The following HECW1 variants were observed in gnomAD, a reference collection of about 807,000 sequenced individuals.
The protein encoded by HECW1 is E3 ubiquitin-protein ligase HECW1.
Under a neutral mutation model 182.3 loss-of-function variants are expected in HECW1, and 61 were observed. The observed-to-expected ratio is 0.33, with a 90% CI of 0.27 to 0.41. The LOEUF is 0.41. Among genes scored for constraint, HECW1 ranks in the 10% least tolerant of loss-of-function variants. HECW1 has a pLI of 1.00. For synonymous variants in HECW1, 859 were observed against 832.6 expected (o/e 1.03, Z -0.55); for missense variants, 1,739 against 2,108.9 (o/e 0.82, Z 3.44).
At chr7:43,120,240 G>C (rs1375035499) in intron 2 of HECW1, among the ~76,000 whole-genome samples, 1 of 152,120 alleles carries the variant, frequency 6.6e-6, no homozygotes, top group Non-Finnish European at 1.5e-5. Context: ...TACAAATACT[G>C]TTCCCTTGAC....
Position 43,508,031 on chromosome 7 carries a change from C to T in HECW1, c.3766C>T (p.Arg1256Trp), listed in dbSNP as rs775602653. The change falls in exon 23 of 30, where the codon CGG becomes TGG. Residue 1256 changes from arginine to tryptophan, a missense_variant. Arg to Trp is a moderately radical substitution (Grantham distance 101). Around this residue, in one of 5 missense-constraint regions of HECW1, gnomAD observed 420 missense variants for 595.7 expected, o/e 0.71. Coordinates refer to ENST00000395891, the MANE Select transcript of HECW1 (RefSeq NM_015052.5). Reference protein sequence around the residue: ...GPGKIKLIIRRDHLLEGTFNQ... With the variant: ...GPGKIKLIIRWDHLLEGTFNQ... ...TCTCCTTCTCAGGCTCATTATTCGC[C>T]GGGATCATTTGTTGGAGGGAACCTT... The T allele has an allele frequency of 3.7e-6, 6 of 1,613,452 alleles. No individual in the cohort carries two copies. The highest frequency in any genetic ancestry group is 2.2e-5 in the East Asian group (1 of 44,860).
At chr7:43,151,158 G>A (rs1358785660) in intron 2 of HECW1, among the ~76,000 whole-genome samples, 1 of 152,218 alleles carries the variant, frequency 6.6e-6, no homozygotes, top group Non-Finnish European at 1.5e-5. Flanking sequence ...GTGGAGCCAA[G>A]AGGCAGAAAG....
intron 19 of HECW1, among the ~76,000 whole-genome samples, chr7:43,495,340 C>T (rs1347565184): frequency 1.3e-5 from 2 of 152,104 alleles, no homozygotes; most frequent in African/African-American, 4.8e-5. Context: ...TCAGTTCCCA[C>T]TTATGAGTGA....
At chr7:43,279,616 G>A (rs1011688130) in intron 3 of HECW1, among the ~76,000 whole-genome samples, 2 of 151,960 alleles carry the variant, frequency 1.3e-5, no homozygotes, top group African/African-American at 2.4e-5. Context: ...TAGAATGTGC[G>A]CCCTCCTTGT....
intron 29 of HECW1, among the ~76,000 whole-genome samples, chr7:43,557,182 C>A (rs1421271307): frequency 6.6e-6 from 1 of 152,186 alleles, no homozygotes; most frequent in Admixed American, 6.5e-5. Context: ...TGGCAGGTGA[C>A]AGGAAGCCCT....
chr7:43,402,066 A>G (rs2075435850), intron 7 of HECW1, among the ~76,000 whole-genome samples: 1 of 152,046 alleles, frequency 6.6e-6, no homozygotes, highest in Non-Finnish European at 1.5e-5. Flanking sequence ...TTCCCACTCC[A>G]TCCTCTTTCC....
At chr7:43,475,582 G>T (rs562485618) in intron 16 of HECW1, among the ~76,000 whole-genome samples, 7 of 152,090 alleles carry the variant, frequency 4.6e-5, no homozygotes, top group African/African-American at 1.7e-4. Flanking sequence ...ACTGGGTCTC[G>T]CTCTGTGTCC....
intron 3 of HECW1, among the ~76,000 whole-genome samples, chr7:43,301,169 C>T (rs976783309): frequency 1.3e-5 from 2 of 151,364 alleles, no homozygotes; most frequent in Admixed American, 6.5e-5. Flanking sequence ...ACCCCTTTCA[C>T]ACACTTCCAG....
At chr7:43,542,866 A>G (rs1039199803) in intron 26 of HECW1, among the ~76,000 whole-genome samples, 1 of 152,194 alleles carries the variant, frequency 6.6e-6, no homozygotes, top group African/African-American at 2.4e-5. Context: ...ACCTGGATCT[A>G]CTTTATGGAG....
chr7:43,208,757 A>G lies in HECW1; in HGVS notation c.-31-35118A>G, dbSNP rs575500124. Among the ~76,000 whole-genome samples, 15 of 152,286 alleles carry G rather than the reference A, an allele frequency of 9.8e-5. No individual in the cohort carries two copies. The South Asian group carries it at 1.5e-3, about 15-fold the overall frequency. ...AACCTCTTTGGAGCCACCGTTTCCCAGGGCTGGTGGTCAGTGCTGTTTCTT... is the reference window on the plus strand; with the variant it reads ...AACCTCTTTGGAGCCACCGTTTCCCGGGGCTGGTGGTCAGTGCTGTTTCTT... On this transcript the variant is annotated intron_variant, in intron 2 of 29. Coordinates refer to ENST00000395891, the MANE Select transcript of HECW1 (RefSeq NM_015052.5).
intron 17 of HECW1, among the ~76,000 whole-genome samples, chr7:43,487,879 G>T (rs1433871103): frequency 6.6e-6 from 1 of 151,748 alleles, no homozygotes; most frequent in East Asian, 1.9e-4. Context: ...AGATTGCTTG[G>T]GCCCAGGAGT....
chr7:43,126,670 A>T (rs1276899273), intron 2 of HECW1, among the ~76,000 whole-genome samples: 3 of 152,202 alleles, frequency 2.0e-5, no homozygotes, highest in African/African-American at 7.2e-5. Context: ...GATTTGGGCA[A>T]CCCTGAGTCC....
At position 43,444,677 on chromosome 7, in the gene HECW1, A is replaced by G. The variant is rs560179850; in HGVS notation, c.1505A>G (p.Glu502Gly). Reference sequence around the variant, plus strand: ...CAGAGCCGGGCTGGAAGGGAAGAAGAGGAGAAGGAGCAGGAGGAGGAGGGA... The same window carrying G: ...CAGAGCCGGGCTGGAAGGGAAGAAGGGGAGAAGGAGCAGGAGGAGGAGGGA... ...TTQSRAGREEEEKEQEEEGDV... is the reference protein window; with the variant it reads ...TTQSRAGREEGEKEQEEEGDV... The change falls in exon 11 of 30, where the codon GAG (glutamate) becomes GGG (glycine). Residue 502 changes from glutamate to glycine, a missense_variant. Glu to Gly is a moderately conservative substitution (Grantham distance 98, BLOSUM62 -2). This residue lies in a region of HECW1 where 971 missense variants were observed against 1,029.1 expected (regional missense o/e 0.94). Transcript: ENST00000395891. The surrounding 1 kb of genome is among the most constrained non-coding windows in gnomAD (Gnocchi z 4.3). 1.2e-5 allele frequency: 20 copies of G among 1,605,958 alleles called. No homozygotes were observed. In the African/African-American group the frequency reaches 2.3e-4, roughly 18 times the overall value.
In HECW1 at chr7:43,471,930, A is replaced by G. The variant is rs530177827; in HGVS notation, c.3099+2825A>G. 1.1e-4 allele frequency among the ~76,000 whole-genome samples: 16 copies of G among 152,340 alleles called. No homozygotes were observed. In the South Asian group the frequency reaches 2.9e-3, roughly 28 times the overall value. On this transcript the variant is annotated intron_variant, in intron 16 of 29. Transcript: ENST00000395891. ...CCAGAAAGTATAATTTTCTTTGGAA[A>G]ATAGAACTATTTAAAAGACATCTAT...
At chr7:43,420,504 A>G (rs959079683) in intron 8 of HECW1, among the ~76,000 whole-genome samples, 11 of 152,330 alleles carry the variant, frequency 7.2e-5, no homozygotes, top group African/African-American at 2.4e-4. Flanking sequence ...CAAATAAAGT[A>G]TGTCAGCTTT....
At chr7:43,395,111 C>T (rs1235926840) in intron 6 of HECW1, among the ~76,000 whole-genome samples, 4 of 152,070 alleles carry the variant, frequency 2.6e-5, no homozygotes, top group Non-Finnish European at 5.9e-5. Context: ...ACACTGATCT[C>T]AGGAGCAATT....
At chr7:43,251,094 C>T (rs1799979191) in intron 3 of HECW1, among the ~76,000 whole-genome samples, 1 of 152,180 alleles carries the variant, frequency 6.6e-6, no homozygotes, top group Non-Finnish European at 1.5e-5. Flanking sequence ...GATGCTTCCT[C>T]CTCTGGCTTT....
At chr7:43,426,157 A>G (rs1191994774) in intron 8 of HECW1, among the ~76,000 whole-genome samples, 3 of 152,202 alleles carry the variant, frequency 2.0e-5, no homozygotes, top group Non-Finnish European at 4.4e-5. Context: ...GAGTTTTCCT[A>G]TGAGCACAAA....
chr7:43,118,878 G>A (rs2024125), intron 2 of HECW1: 82,200 of 151,836 alleles, frequency 0.54, 22,675 homozygotes, highest in East Asian at 0.76. Context: ...GTACTGTGAT[G>A]TATGACATTT....
Sources: gnomAD v4.1 joint callset for allele counts (sites outside exome capture counted in the v4.1 genomes callset) on GRCh38, gnomAD v4.1.1 for gene constraint, gnomAD v4.1.1 regional missense constraint, Gnocchi (gnomAD v3.1) non-coding constraint, MANE v1.5 for transcripts, NCBI Gene and HGNC (gene_info 2026-07-23, HGNC 2026-07-21) for gene names.